The following GPAM variants were observed in gnomAD, a reference collection of about 807,000 sequenced individuals.
The protein encoded by GPAM is glycerol-3-phosphate acyltransferase, mitochondrial, also known as glycerol-3-phosphate acyltransferase 1, mitochondrial.
Under a neutral mutation model 105.0 loss-of-function variants are expected in GPAM, and 56 were observed. The ratio of observed to expected loss-of-function variants is 0.53; its 90% confidence interval spans 0.43 to 0.67. The LOEUF is 0.67. Ranked by LOEUF, GPAM falls within the 30% of genes least tolerant of loss-of-function variation. The pLI is 0.00. For missense variants in GPAM, 855 were observed against 989.8 expected (o/e 0.86, Z 1.83); for synonymous variants, 368 against 354.4 (o/e 1.04, Z -0.43).
In GPAM at chr10:112,180,326, G is replaced by A. The variant is rs1847484690; in HGVS notation, c.225+147C>T. On this transcript the variant is annotated intron_variant, in intron 4 of 21. Coordinates refer to ENST00000348367, the MANE Select transcript of GPAM (RefSeq NM_001244949.2). ...GAATAAATAAATGGAAAGAAAAAGT[G>A]TGTCAACATCTTTACTTGAAATATT... The A allele has an allele frequency of 8.2e-6, 6 of 729,658 alleles. No individual in the cohort carries two copies. In the Middle Eastern group the frequency reaches 7.6e-4, roughly 92 times the overall value. 45.2% of individuals were successfully genotyped at this position (729,658 alleles called of 1,614,324 possible). A position where few individuals can be genotyped will look rare whatever the true frequency, so the allele number is the denominator to read the frequency against.
intron 1 of GPAM, among the ~76,000 whole-genome samples, chr10:112,213,313 T>C (rs1389366462): frequency 1.3e-5 from 2 of 152,316 alleles, no homozygotes; most frequent in East Asian, 1.9e-4. Context: ...CCTTAACTTA[T>C]AGTTTGCTCA....
intron 1 of GPAM, among the ~76,000 whole-genome samples, chr10:112,199,113 G>C (rs938093464): frequency 6.6e-6 from 1 of 151,434 alleles, no homozygotes; most frequent in African/African-American, 2.4e-5. Flanking sequence ...GTGTGTGTGT[G>C]TGTGTGTGTG....
At chr10:112,210,055 C>T (rs1847894298) in intron 1 of GPAM, among the ~76,000 whole-genome samples, 1 of 152,246 alleles carries the variant, frequency 6.6e-6, no homozygotes, top group African/African-American at 2.4e-5. Flanking sequence ...AGCACTGACT[C>T]AGCCTGACAC....
chr10:112,223,093 G>A, the GPAM span, among the ~76,000 whole-genome samples: 4 of 152,082 alleles, frequency 2.6e-5, no homozygotes, highest in Non-Finnish European at 5.9e-5. Context: ...CATCAGTCTG[G>A]CAGCCTTTCT....
intron 21 of GPAM, 181 bp from the exon 22 acceptor site, chr10:112,153,847 G>T: frequency 1.7e-6 from 1 of 591,094 alleles, no homozygotes; most frequent in Non-Finnish European, 2.9e-6. Context: ...AGTTTCCAAT[G>T]CAAACAAGGT....
chr10:112,193,117 C>T (rs1478030397), intron 1 of GPAM, among the ~76,000 whole-genome samples: 1 of 152,162 alleles, frequency 6.6e-6, no homozygotes, highest in Admixed American at 6.5e-5. Context: ...GACTTTAATA[C>T]AGAAAACTAC....
chr10:112,172,475 C>T (rs1486859126), intron 8 of GPAM, among the ~76,000 whole-genome samples, 157 bp from the exon 9 acceptor site: 1 of 152,180 alleles, frequency 6.6e-6, no homozygotes, highest in East Asian at 1.9e-4. Context: ...CAATGTAATA[C>T]TTTCTGAGCT....
chr10:112,166,482 C>T lies in GPAM; in HGVS notation c.1141G>A (p.Val381Ile). The T allele has an allele frequency of 1.2e-6, 2 of 1,611,142 alleles. No homozygotes were observed. The highest frequency in any genetic ancestry group is 1.7e-6 in the Non-Finnish European group (2 of 1,177,218). The change falls in exon 12 of 22, where the codon GTA becomes ATA. Residue 381 changes from valine to isoleucine, a missense_variant. By Grantham distance (29) the Val-to-Ile change is conservative (BLOSUM62 3). Transcript: ENST00000348367. ...AACATTCTAATAACACCTCTTGCTA[C>T]ACTCCACAGGCTCTCATTCTTCTTA... The part of the protein sequence containing the change: ...KPKKNESLWS[V>I]ARGVIRMLRK...
chr10:112,221,299 G>A, the GPAM span, among the ~76,000 whole-genome samples: 6 of 152,078 alleles, frequency 3.9e-5, no homozygotes, highest in Non-Finnish European at 8.8e-5. Flanking sequence ...ACTCTTGCAC[G>A]GTGACCAAAT....
intron 1 of GPAM, among the ~76,000 whole-genome samples, chr10:112,203,442 G>T (rs374458174): frequency 6.6e-6 from 1 of 152,242 alleles, no homozygotes; most frequent in African/African-American, 2.4e-5. Context: ...CTCTGGAGAG[G>T]GGCAATCTGC....
chr10:112,224,154 AGT>A, the GPAM span, among the ~76,000 whole-genome samples: 17 of 152,388 alleles, frequency 1.1e-4, no homozygotes, highest in African/African-American at 3.8e-4. Flanking sequence ...CCAATTATTC[AGT>A]AATAATGAAT....
chr10:112,177,823 G>T (rs1342262171), intron 5 of GPAM, among the ~76,000 whole-genome samples, 161 bp downstream of exon 5: 1 of 152,048 alleles, frequency 6.6e-6, no homozygotes, highest in African/African-American at 2.4e-5. Context: ...TTCTCTCTGT[G>T]GCTATACTGC....
chr10:112,200,989 C>A (rs1383998368), intron 1 of GPAM, among the ~76,000 whole-genome samples: 2 of 152,158 alleles, frequency 1.3e-5, no homozygotes, highest in African/African-American at 4.8e-5. Flanking sequence ...ACCCTAGAGA[C>A]AAAATGCTTA....
At chr10:112,154,723 C>T (rs752901309) in intron 20 of GPAM, 36 bp from the exon 21 acceptor site, 33 of 1,432,386 alleles carry the variant, frequency 2.3e-5, no homozygotes, top group African/African-American at 7.0e-5. Context: ...CAAATGGTTA[C>T]GCTCAACAAA....
At chr10:112,157,944 G>A (rs756726975) in intron 18 of GPAM, among the ~76,000 whole-genome samples, 1 of 152,136 alleles carries the variant, frequency 6.6e-6, no homozygotes, top group Non-Finnish European at 1.5e-5. Flanking sequence ...TTATTGGTTT[G>A]TTTACTTATT....
intron 4 of GPAM, 35 bp downstream of exon 4, chr10:112,180,438 T>C: frequency 6.2e-7 from 1 of 1,607,364 alleles, no homozygotes; most frequent in Admixed American, 1.7e-5. Flanking sequence ...TATTTTATGC[T>C]GAGTATTAGG....
At chr10:112,173,897 TGTATTCA>T (rs1847357860) in intron 6 of GPAM, 52 bp from the exon 7 acceptor site, 1 of 1,417,174 alleles carries the variant, frequency 7.1e-7, no homozygotes. Context: ...TACTACATTC[TGTATTCA>T]GTATTTTCTA....
chr10:112,155,830 AG>A, intron 20 of GPAM, 33 bp downstream of exon 20: 13 of 1,370,066 alleles, frequency 9.5e-6, no homozygotes, highest in South Asian at 2.5e-5. Context: ...AAAAAAAAAA[AG>A]ATTTTAAAAG....
At chr10:112,154,867 A>T in intron 20 of GPAM, 180 bp from the exon 21 acceptor site, 1 of 665,394 alleles carries the variant, frequency 1.5e-6, no homozygotes, top group Non-Finnish European at 2.7e-6. Flanking sequence ...TTGCTGTTAA[A>T]CCTACTTTGC....
Sources: allele counts gnomAD v4.1 joint callset (sites outside exome capture counted in the v4.1 genomes callset), GRCh38; gene constraint gnomAD v4.1.1; transcripts MANE v1.5; gene names NCBI Gene and HGNC (gene_info 2026-07-23, HGNC 2026-07-21).